Variants in MED27 observed in about 807,000 individuals in gnomAD.
MED27 encodes the protein mediator of RNA polymerase II transcription subunit 27.
Under a neutral mutation model 38.2 loss-of-function variants are expected in MED27, and 30 were observed. The ratio of observed to expected loss-of-function variants is 0.79; its 90% confidence interval spans 0.59 to 1.07. MED27 has a LOEUF of 1.07. Among genes scored for constraint, MED27 ranks in the 50% least tolerant of loss-of-function variants. The pLI, the probability that MED27 is intolerant of heterozygous loss-of-function variation, is 0.00. For missense variants in MED27, 289 were observed against 397.5 expected, an observed-to-expected ratio of 0.73 and a Z score of 2.32; for synonymous variants, 122 against 153.5, an observed-to-expected ratio of 0.79 and a Z score of 1.52.
At chr9:131,961,623 G>T (rs1275408674) in intron 3 of MED27, among the ~76,000 whole-genome samples, 1 of 152,174 alleles carries the variant, frequency 6.6e-6, no homozygotes, top group African/African-American at 2.4e-5. Context: ...TGGCCTCTGT[G>T]TTTCAAGGCC....
At chr9:131,890,855 T>C (rs1243451893) in intron 5 of MED27, among the ~76,000 whole-genome samples, 1 of 152,230 alleles carries the variant, frequency 6.6e-6, no homozygotes, top group Non-Finnish European at 1.5e-5. Context: ...TGAGGAGGAT[T>C]CGACAGCCAC....
At chr9:131,899,606 G>A (rs1373246917) in intron 4 of MED27, among the ~76,000 whole-genome samples, 1 of 152,154 alleles carries the variant, frequency 6.6e-6, no homozygotes, top group African/African-American at 2.4e-5. Context: ...GGGCCTAGGG[G>A]TGCGGTGGAC....
At chr9:132,068,552 C>T (rs578225739) in intron 2 of MED27, among the ~76,000 whole-genome samples, 2 of 152,100 alleles carry the variant, frequency 1.3e-5, no homozygotes, top group South Asian at 4.2e-4. Context: ...CAGTACCAGT[C>T]AAGATGGAGA....
intron 2 of MED27, among the ~76,000 whole-genome samples, chr9:132,019,191 T>C (rs143607540): frequency 1.6e-4 from 25 of 152,270 alleles, no homozygotes; most frequent in Non-Finnish European, 3.1e-4. Context: ...GGGAGTCTTA[T>C]CTCTAGGGCA....
chr9:131,874,257 T>C (rs1838888283), intron 6 of MED27, among the ~76,000 whole-genome samples: 1 of 151,894 alleles, frequency 6.6e-6, no homozygotes, highest in Admixed American at 6.6e-5. Flanking sequence ...CAGCTCAGGG[T>C]CTTCCCCATC....
intron 3 of MED27, among the ~76,000 whole-genome samples, chr9:131,995,969 A>T (rs549629840): frequency 1.3e-5 from 2 of 152,142 alleles, no homozygotes; most frequent in African/African-American, 4.8e-5. Flanking sequence ...CCCATGGTAG[A>T]CTTCAAGCAT....
chr9:131,978,826 T>C (rs983689001), intron 3 of MED27, among the ~76,000 whole-genome samples: 1 of 152,218 alleles, frequency 6.6e-6, no homozygotes, highest in African/African-American at 2.4e-5. Context: ...GGAGAAACCA[T>C]CGCAAGAGGG....
intron 4 of MED27, among the ~76,000 whole-genome samples, chr9:131,903,405 C>T (rs1322577006): frequency 6.6e-6 from 1 of 152,186 alleles, no homozygotes; most frequent in African/African-American, 2.4e-5. Flanking sequence ...ATTATGGGAG[C>T]TACAAGATGA....
chr9:132,056,543 T>C (rs987817851), intron 2 of MED27, among the ~76,000 whole-genome samples: 1 of 152,216 alleles, frequency 6.6e-6, no homozygotes, highest in African/African-American at 2.4e-5. Flanking sequence ...TTGGAACATT[T>C]TGGATTTCAG....
intron 2 of MED27, among the ~76,000 whole-genome samples, chr9:132,044,989 G>A (rs935196658): frequency 3.9e-5 from 6 of 152,124 alleles, no homozygotes; most frequent in African/African-American, 1.4e-4. Context: ...AAAAACAGAT[G>A]TGAACGTCTC....
At chr9:131,870,438 C>T (rs1838811757) in intron 6 of MED27, among the ~76,000 whole-genome samples, 1 of 152,234 alleles carries the variant, frequency 6.6e-6, no homozygotes, top group African/African-American at 2.4e-5. Flanking sequence ...CCCGCTGAAT[C>T]CCCACGATGA....
At chr9:131,953,852 T>C (rs1831045116) in intron 3 of MED27, among the ~76,000 whole-genome samples, 1 of 150,984 alleles carries the variant, frequency 6.6e-6, no homozygotes, top group African/African-American at 2.4e-5. Context: ...AGTCTCTGTC[T>C]GTCACCCAGG....
intron 5 of MED27, among the ~76,000 whole-genome samples, chr9:131,890,490 G>A (rs186134611): frequency 8.3e-4 from 127 of 152,312 alleles, no homozygotes; most frequent in African/African-American, 2.8e-3. Flanking sequence ...CCCTTTACTC[G>A]TGTGTCTCCT....
intron 6 of MED27, among the ~76,000 whole-genome samples, chr9:131,868,313 C>T (rs189558944): frequency 3.3e-5 from 5 of 152,342 alleles, no homozygotes; most frequent in Admixed American, 2.0e-4. Context: ...GGGTATTGCT[C>T]TGTCGCCTAG....
At chr9:131,986,837 C>T (rs575544790) in intron 3 of MED27, among the ~76,000 whole-genome samples, 12 of 152,208 alleles carry the variant, frequency 7.9e-5, no homozygotes, top group Admixed American at 3.9e-4. Context: ...GCTAATGAAT[C>T]GTTACATCCC....
chr9:132,009,494 G>A (rs967833671), intron 3 of MED27, among the ~76,000 whole-genome samples: 1 of 152,218 alleles, frequency 6.6e-6, no homozygotes, highest in African/African-American at 2.4e-5. Context: ...TGGCTCTGGA[G>A]GAGCCAGAAG....
chr9:132,037,680 A>C (rs1299582632), intron 2 of MED27, among the ~76,000 whole-genome samples: 1 of 152,176 alleles, frequency 6.6e-6, no homozygotes, highest in Non-Finnish European at 1.5e-5. Flanking sequence ...AGAAAACCGG[A>C]GCTACCCTGC....
At position 132,003,684 on chromosome 9, in the gene MED27, T is replaced by A. The variant is rs1832291960; in HGVS notation, c.479+10653A>T. 6.6e-6 allele frequency among the ~76,000 whole-genome samples: 1 copy of A among 152,182 alleles called. No individual in the cohort carries two copies. The highest frequency in any genetic ancestry group is 1.5e-5 in the Non-Finnish European group (1 of 68,034). On this transcript the variant is annotated intron_variant, in intron 3 of 7. Coordinates refer to ENST00000292035, the MANE Select transcript of MED27 (RefSeq NM_004269.4). This position sits in a 1 kb window ranked among gnomAD's most constrained non-coding sequence, Gnocchi z 4.2. ...TGTGCTCATGAACAGTATCCCGCTC[T>A]CATCATGCAGTTTTAACCAATTAGC...
intron 4 of MED27, among the ~76,000 whole-genome samples, chr9:131,921,041 A>G (rs1351288794): frequency 6.6e-6 from 1 of 152,194 alleles, no homozygotes; most frequent in Non-Finnish European, 1.5e-5. Context: ...TGCGGAGAGT[A>G]GAAGCAACAG....
Sources: gnomAD v4.1 joint callset for allele counts (sites outside exome capture counted in the v4.1 genomes callset) on GRCh38, gnomAD v4.1.1 for gene constraint, Gnocchi (gnomAD v3.1) non-coding constraint, MANE v1.5 for transcripts, NCBI Gene and HGNC (gene_info 2026-07-23, HGNC 2026-07-21) for gene names.